Variants in RNF217 observed in about 807,000 individuals in gnomAD.
RNF217 encodes E3 ubiquitin-protein ligase RNF217.
RNF217 carries 31 observed loss-of-function variants against 57.8 expected under a neutral mutation model. That is an observed-to-expected ratio of 0.54 (90% CI 0.40 to 0.72). The LOEUF (loss-of-function observed/expected upper bound fraction) is 0.72. Ranked by LOEUF, RNF217 falls within the 30% of genes least tolerant of loss-of-function variation. RNF217 has a pLI of 0.00. For synonymous variants in RNF217, 313 were observed against 294.0 expected, an observed-to-expected ratio of 1.06 and a Z score of -0.66; for missense variants, 696 against 708.3, an observed-to-expected ratio of 0.98 and a Z score of 0.20.
chr6:124,975,667 G>A (rs1286469818), intron 1 of RNF217, among the ~76,000 whole-genome samples: 1 of 152,062 alleles, frequency 6.6e-6, no homozygotes, highest in East Asian at 1.9e-4. Flanking sequence ...ATACTCCTGG[G>A]CTCAAGCGAT....
intron 1 of RNF217, among the ~76,000 whole-genome samples, chr6:125,030,559 A>G (rs1188009531): frequency 2.0e-5 from 3 of 152,204 alleles, no homozygotes; most frequent in Admixed American, 2.0e-4. Context: ...CGCCCATGCA[A>G]GTCCAAAATC....
rs182783964 is a variant in RNF217, at chr6:125,069,679, G to A, written c.1282-6978G>A. ...ATATCCCCAGTAATAGGACTCCTGG[G>A]TCCAACTGTAGTTCTAAGTTCTTTG... is the stretch of plus-strand genomic sequence containing the variant. On this transcript the variant is annotated intron_variant, in intron 3 of 5. Coordinates refer to ENST00000521654, the MANE Select transcript of RNF217 (RefSeq NM_001286398.3). Among the ~76,000 whole-genome samples, 273 of 152,254 alleles carry A rather than the reference G, an allele frequency of 1.8e-3. 1 individual carries two copies. Among genetic ancestry groups the A allele is most frequent in the Non-Finnish European group, 3.4e-3 (228 of 67,994 alleles).
chr6:125,041,461 A>G (rs752431361), intron 1 of RNF217, among the ~76,000 whole-genome samples: 26 of 152,214 alleles, frequency 1.7e-4, no homozygotes, highest in Admixed American at 1.2e-3. Flanking sequence ...ACCATGGCCA[A>G]CAAGGCCCAT....
chr6:124,984,558 AAAAG>A (rs1179139650), intron 1 of RNF217, among the ~76,000 whole-genome samples: 8 of 150,612 alleles, frequency 5.3e-5, no homozygotes, highest in Non-Finnish European at 8.9e-5. Flanking sequence ...AAAAAAAAAA[AAAAG>A]AAAGAAAGAA....
chr6:124,963,716 A>C (rs1001393877), intron 1 of RNF217, among the ~76,000 whole-genome samples: 1 of 152,256 alleles, frequency 6.6e-6, no homozygotes, highest in South Asian at 2.1e-4. Flanking sequence ...TGCAAGCACA[A>C]GCTTGCTCAA....
intron 1 of RNF217, among the ~76,000 whole-genome samples, chr6:125,021,524 C>T (rs1431495721): frequency 6.6e-6 from 1 of 152,120 alleles, no homozygotes; most frequent in African/African-American, 2.4e-5. Context: ...CTCGGCCTCC[C>T]AAAGTGCTGG....
chr6:125,071,273 T>C (rs759558978), intron 3 of RNF217, among the ~76,000 whole-genome samples: 6 of 152,182 alleles, frequency 3.9e-5, no homozygotes, highest in Non-Finnish European at 8.8e-5. Flanking sequence ...TGAATTTCGA[T>C]CTTTTCCCAG....
rs1466947495 is a variant in RNF217, at chr6:125,083,161, T to C, written c.*224T>C. The C allele has an allele frequency of 2.4e-6, 1 of 425,414 alleles. No individual in the cohort carries two copies. Among genetic ancestry groups the C allele is most frequent in the Non-Finnish European group, 4.1e-6 (1 of 242,576 alleles). The allele number at this position is 425,414 out of a possible 1,614,324, so 26.4% of individuals were successfully genotyped here. On this transcript the variant is annotated 3_prime_UTR_variant, in exon 6 of 6. Transcript: ENST00000521654. ...GCTGCTGCTTTTAAAAAATGGTCAC[T>C]TTCATAAACTATAAACATCTATATC...
At chr6:124,991,572 A>G (rs1784562516) in intron 1 of RNF217, among the ~76,000 whole-genome samples, 1 of 152,158 alleles carries the variant, frequency 6.6e-6, no homozygotes, top group Non-Finnish European at 1.5e-5. Context: ...GCTGTAGGCC[A>G]TGAGGATAAG....
In RNF217 at chr6:125,089,867, A is replaced by G. The variant is rs1445921678; in HGVS notation, c.*6930A>G. The G allele has an allele frequency of 6.6e-6, 1 of 152,134 alleles. No homozygotes were observed. The highest frequency in any genetic ancestry group is 1.5e-5 in the Non-Finnish European group (1 of 68,032). The allele number at this position is 152,134 out of a possible 1,614,324, so 9.4% of individuals were successfully genotyped here. ...AATGTATTACTTCTTCAATATCCCC[A>G]TATATTTGTATTGTTTCAAGCCACT... is the stretch of plus-strand genomic sequence containing the variant. On this transcript the variant is annotated 3_prime_UTR_variant, in exon 6 of 6. Coordinates refer to ENST00000521654, the MANE Select transcript of RNF217 (RefSeq NM_001286398.3).
rs529461797 is a variant in RNF217 at position 125,003,991 on chromosome 6, C to T, written c.882+40565C>T. 2.6e-5 allele frequency among the ~76,000 whole-genome samples: 4 copies of T among 152,170 alleles called. No homozygotes were observed. In the East Asian group the frequency reaches 7.7e-4, roughly 29 times the overall value. On this transcript the variant is annotated intron_variant, in intron 1 of 5. Coordinates refer to ENST00000521654, the MANE Select transcript of RNF217 (RefSeq NM_001286398.3). ...AGTAGCCAAATGATGTCAAGTGCTGCAAAAATCTGCACCTAAAACACTTTT... is the reference window on the plus strand; with the variant it reads ...AGTAGCCAAATGATGTCAAGTGCTGTAAAAATCTGCACCTAAAACACTTTT...
chr6:125,034,672 G>A (rs1786524677), intron 1 of RNF217, among the ~76,000 whole-genome samples: 2 of 152,118 alleles, frequency 1.3e-5, no homozygotes, highest in African/African-American at 2.4e-5. Flanking sequence ...TTGGCTTGGC[G>A]ATGCAGGCTC....
Position 124,962,661 on chromosome 6 carries a change from G to A in RNF217, c.117G>A (p.Arg39=). 7.5e-7 allele frequency: 1 copy of A among 1,334,728 alleles called. No individual in the cohort carries two copies. Among genetic ancestry groups the A allele is most frequent in the South Asian group, 2.1e-5 (1 of 47,802 alleles). The allele number at this position is 1,334,728 out of a possible 1,614,324, so 82.7% of individuals were successfully genotyped here. A position where few individuals can be genotyped will look rare whatever the true frequency, so the allele number is the denominator to read the frequency against. ...CGAGGCCTCAGGGGGACAGCGCCCG[G>A]GCGCCCCCGCTGCGCGCCGCCTCCG... ...EPPRPQGDSA[R]APPLRAASAE... The change falls in exon 1 of 6, where the codon CGG becomes CGA. Residue 39 remains arginine (R), a synonymous_variant. Coordinates refer to ENST00000521654, the MANE Select transcript of RNF217 (RefSeq NM_001286398.3). The surrounding 1 kb of genome is among the most constrained non-coding windows in gnomAD (Gnocchi z 4.6).
At chr6:124,970,065 G>A (rs1375710312) in intron 1 of RNF217, among the ~76,000 whole-genome samples, 2 of 152,174 alleles carry the variant, frequency 1.3e-5, no homozygotes, top group African/African-American at 2.4e-5. Context: ...GAAGTGGGTA[G>A]TGCTAAAAAG....
At chr6:124,969,021 T>C (rs1783660447) in intron 1 of RNF217, among the ~76,000 whole-genome samples, 1 of 152,226 alleles carries the variant, frequency 6.6e-6, no homozygotes, top group South Asian at 2.1e-4. Context: ...TCCCCAGCTT[T>C]ATCTGATGGC....
At chr6:125,033,458 C>G (rs1180922868) in intron 1 of RNF217, among the ~76,000 whole-genome samples, 1 of 132,004 alleles carries the variant, frequency 7.6e-6, no homozygotes, top group Non-Finnish European at 1.6e-5. Flanking sequence ...GGTTTTTTGT[C>G]CTTGTGATAG....
At chr6:125,063,074 A>G (rs1001271406) in intron 3 of RNF217, among the ~76,000 whole-genome samples, 1 of 152,196 alleles carries the variant, frequency 6.6e-6, no homozygotes, top group Non-Finnish European at 1.5e-5. Flanking sequence ...AGTTCGTAAT[A>G]GTTTTAATAT....
intron 1 of RNF217, among the ~76,000 whole-genome samples, chr6:125,029,978 A>T (rs1786279323): frequency 6.6e-6 from 1 of 152,178 alleles, no homozygotes; most frequent in Non-Finnish European, 1.5e-5. Flanking sequence ...AAAAAGAGGT[A>T]TAATTGGACT....
chr6:125,079,435 A>T (rs998195204), intron 4 of RNF217, among the ~76,000 whole-genome samples: 1 of 150,624 alleles, frequency 6.6e-6, no homozygotes. Context: ...ATGAATACTC[A>T]ATTAAAAAAA....
Sources: allele counts gnomAD v4.1 joint callset (sites outside exome capture counted in the v4.1 genomes callset), GRCh38; gene constraint gnomAD v4.1.1; non-coding constraint Gnocchi (gnomAD v3.1); transcripts MANE v1.5; gene names NCBI Gene and HGNC (gene_info 2026-07-23, HGNC 2026-07-21).